The following FBXW8 variants were observed in gnomAD, a reference collection of about 807,000 sequenced individuals.
FBXW8 encodes the protein F-box/WD repeat-containing protein 8.
A neutral mutation model predicts 65.3 loss-of-function variants in FBXW8; 57 were observed. The observed-to-expected ratio is 0.87, with a 90% CI of 0.71 to 1.09. FBXW8 has a LOEUF of 1.09. Among genes scored for constraint, FBXW8 ranks in the 50% least tolerant of loss-of-function variants. The pLI, the probability that FBXW8 is intolerant of heterozygous loss-of-function variation, is 0.00. For missense variants in FBXW8, 777 were observed against 814.8 expected (o/e 0.95, Z 0.57); for synonymous variants, 308 against 330.2 (o/e 0.93, Z 0.73).
rs1361503419 is a variant in FBXW8 at position 116,961,327 on chromosome 12, G to T, written c.678-3370G>T. On this transcript the variant is annotated intron_variant, in intron 4 of 10. Transcript: ENST00000652555. This position sits in a 1 kb window ranked among gnomAD's most constrained non-coding sequence, Gnocchi z 4.4. ...ATCTGCACTTTTTAAAGCATTCCAG[G>T]CAAATTTAATGTGCAGCCCAGGCTG... is the stretch of plus-strand genomic sequence containing the variant. Among the ~76,000 whole-genome samples the T allele has an allele frequency of 1.3e-5, 2 of 152,098 alleles. No individual in the cohort carries two copies. The highest frequency in any genetic ancestry group is 3.9e-4 in the East Asian group (2 of 5,182).
intron 7 of FBXW8, among the ~76,000 whole-genome samples, chr12:117,006,759 A>C (rs543794441): frequency 6.6e-5 from 10 of 152,372 alleles, no homozygotes; most frequent in African/African-American, 2.4e-4. Context: ...CATGTCACCC[A>C]GCGTCCCTGC....
intron 2 of FBXW8, among the ~76,000 whole-genome samples, chr12:116,931,979 G>A (rs1313011586): frequency 6.6e-6 from 1 of 152,010 alleles, no homozygotes; most frequent in African/African-American, 2.4e-5. Context: ...CTTTGGTTTT[G>A]TCACATGTGG....
At chr12:116,932,831 C>T (rs746143873) in intron 2 of FBXW8, among the ~76,000 whole-genome samples, 10 of 152,168 alleles carry the variant, frequency 6.6e-5, no homozygotes, top group Non-Finnish European at 1.5e-4. Context: ...TGTGCCCAGC[C>T]GTTCTAATCT....
At chr12:116,940,289 C>T (rs1486559584) in intron 2 of FBXW8, among the ~76,000 whole-genome samples, 1 of 149,662 alleles carries the variant, frequency 6.7e-6, no homozygotes, top group Non-Finnish European at 1.5e-5. Flanking sequence ...GACACAAAGG[C>T]CCACAGACCA....
intron 8 of FBXW8, among the ~76,000 whole-genome samples, chr12:117,018,913 TC>T (rs1403342731): frequency 6.6e-6 from 1 of 152,192 alleles, no homozygotes; most frequent in Non-Finnish European, 1.5e-5. Context: ...TTTATGGAAA[TC>T]ACCATAGCTG....
At chr12:116,972,348 G>A (rs1209207330) in intron 5 of FBXW8, among the ~76,000 whole-genome samples, 1 of 152,184 alleles carries the variant, frequency 6.6e-6, no homozygotes, top group East Asian at 1.9e-4. Flanking sequence ...CGAATTTTAA[G>A]TGAGAGAATT....
At chr12:117,020,466 G>T (rs1349215831) in intron 8 of FBXW8, among the ~76,000 whole-genome samples, 2 of 152,168 alleles carry the variant, frequency 1.3e-5, no homozygotes, top group Non-Finnish European at 2.9e-5. Context: ...GGAACTTGGG[G>T]CGTGTGGTGC....
At chr12:116,943,270 G>C (rs1882726181) in intron 2 of FBXW8, among the ~76,000 whole-genome samples, 1 of 151,946 alleles carries the variant, frequency 6.6e-6, no homozygotes, top group African/African-American at 2.4e-5. Context: ...TTGTTTCTTT[G>C]CATGCTTTTG....
intron 5 of FBXW8, among the ~76,000 whole-genome samples, chr12:116,982,864 G>A (rs1885410458): frequency 6.6e-6 from 1 of 152,148 alleles, no homozygotes; most frequent in African/African-American, 2.4e-5. Context: ...GTGTACGTCA[G>A]TTACTCATTG....
At chr12:116,942,005 T>G (rs1882600338) in intron 2 of FBXW8, among the ~76,000 whole-genome samples, 1 of 152,086 alleles carries the variant, frequency 6.6e-6, no homozygotes, top group African/African-American at 2.4e-5. Flanking sequence ...TCTGTTCATT[T>G]TATTCATTTT....
At chr12:117,011,491 G>A (rs1953815030) in intron 8 of FBXW8, among the ~76,000 whole-genome samples, 1 of 152,212 alleles carries the variant, frequency 6.6e-6, no homozygotes, top group Non-Finnish European at 1.5e-5. Flanking sequence ...TCCGGTGCTT[G>A]AGAACTGAAC....
chr12:116,946,185 AG>A (rs1201416042), intron 3 of FBXW8, among the ~76,000 whole-genome samples: 1 of 152,190 alleles, frequency 6.6e-6, no homozygotes, highest in East Asian at 1.9e-4. Flanking sequence ...ATGGTAGAGA[AG>A]GGATGGAACC....
chr12:117,008,667 T>C (rs1270889477), intron 7 of FBXW8, among the ~76,000 whole-genome samples: 2 of 152,266 alleles, frequency 1.3e-5, no homozygotes, highest in Non-Finnish European at 2.9e-5. Flanking sequence ...GAATATTTAA[T>C]TTATTATTAA....
intron 2 of FBXW8, among the ~76,000 whole-genome samples, chr12:116,942,913 G>T (rs1882701305): frequency 6.6e-6 from 1 of 151,228 alleles, no homozygotes; most frequent in South Asian, 2.1e-4. Context: ...GAGTAGCTGG[G>T]ACTACAGGTG....
chr12:116,918,800 T>G (rs1880640575), intron 1 of FBXW8, among the ~76,000 whole-genome samples: 1 of 152,136 alleles, frequency 6.6e-6, no homozygotes, highest in South Asian at 2.1e-4. Flanking sequence ...AGGAAGTGGA[T>G]GTTGGGCAGG....
At position 116,936,796 on chromosome 12, in the gene FBXW8, TAAG is replaced by T. The variant is rs1204277242; in HGVS notation, c.424-8566_424-8564del. On this transcript the variant is annotated intron_variant, in intron 2 of 10. Coordinates refer to ENST00000652555, the MANE Select transcript of FBXW8 (RefSeq NM_153348.3). The surrounding 1 kb of genome is among the most constrained non-coding windows in gnomAD (Gnocchi z 4.6). ...TACGGGGATGTGGTGAGCAGAAGGATAAGAGGAGGAGAGGACTCAGGATGTGAT... is the reference window on the plus strand; with the variant it reads ...TACGGGGATGTGGTGAGCAGAAGGATAGGAGGAGAGGACTCAGGATGTGAT... 2.0e-5 allele frequency among the ~76,000 whole-genome samples: 3 copies of T among 151,994 alleles called. No homozygotes were observed. The highest frequency in any genetic ancestry group is 4.4e-5 in the Non-Finnish European group (3 of 67,984).
intron 4 of FBXW8, among the ~76,000 whole-genome samples, chr12:116,953,786 A>T (rs998028957): frequency 2.0e-5 from 3 of 148,432 alleles, no homozygotes; most frequent in African/African-American, 7.5e-5. Context: ...AAAAAAAGAC[A>T]AAAAAACAAA....
intron 1 of FBXW8, among the ~76,000 whole-genome samples, chr12:116,918,035 A>G (rs1395479388): frequency 6.6e-6 from 1 of 151,980 alleles, no homozygotes; most frequent in Non-Finnish European, 1.5e-5. Context: ...ACTCCTCCCA[A>G]GCCTCATGTT....
At chr12:117,001,919 T>C (rs1019587421) in intron 7 of FBXW8, among the ~76,000 whole-genome samples, 2 of 152,242 alleles carry the variant, frequency 1.3e-5, no homozygotes, top group African/African-American at 4.8e-5. Flanking sequence ...GAGAACCATA[T>C]TCTGCTCACT....
Sources: allele counts gnomAD v4.1 joint callset (sites outside exome capture counted in the v4.1 genomes callset), GRCh38; gene constraint gnomAD v4.1.1; non-coding constraint Gnocchi (gnomAD v3.1); transcripts MANE v1.5; gene names NCBI Gene and HGNC (gene_info 2026-07-23, HGNC 2026-07-21).